HSPA12B: variants seen among roughly 807,000 people sequenced by gnomAD.
HSPA12B encodes heat shock protein family A (Hsp70) member 12B.
HSPA12B carries 54 observed loss-of-function variants against 69.3 expected under a neutral mutation model. That is an observed-to-expected ratio of 0.78 (90% CI 0.63 to 0.98). HSPA12B has a LOEUF of 0.98. Among genes scored for constraint, HSPA12B ranks in the 50% least tolerant of loss-of-function variants. HSPA12B has a pLI of 0.00. For synonymous variants in HSPA12B, 441 were observed against 436.5 expected, an observed-to-expected ratio of 1.01 and a Z score of -0.13; for missense variants, 929 against 999.8, an observed-to-expected ratio of 0.93 and a Z score of 0.96.
intron 12 of HSPA12B, chr20:3,751,152 A>C: frequency 1.3e-6 from 1 of 773,194 alleles, no homozygotes; most frequent in Middle Eastern, 6.5e-4. Context: ...GGGTGATAGT[A>C]TTGGGTTCTC....
At position 3,752,293 on chromosome 20, in the gene HSPA12B, C is replaced by CCCCGGGGGAGAT; in HGVS notation, c.*128_*139dup. 1 of 927,970 alleles carries CCCCGGGGGAGAT rather than the reference C, an allele frequency of 1.1e-6. No individual in the cohort carries two copies. The highest frequency in any genetic ancestry group is 1.5e-6 in the Non-Finnish European group (1 of 665,690). 57.5% of individuals were successfully genotyped at this position (927,970 alleles called of 1,614,324 possible). On this transcript the variant is annotated 3_prime_UTR_variant, in exon 13 of 13. Coordinates refer to ENST00000254963, the MANE Select transcript of HSPA12B (RefSeq NM_052970.5). ...GTCTGCGCCTTTCCACGCCCTCCAGCCCCGGGGGAGATAAGGTCATGGGAG... is the reference window on the plus strand; with the variant it reads ...GTCTGCGCCTTTCCACGCCCTCCAGCCCCGGGGGAGATCCCGGGGGAGATAAGGTCATGGGAG...
At chr20:3,746,124 G>T in intron 7 of HSPA12B, 93 bp downstream of exon 7, 1 of 874,264 alleles carries the variant, frequency 1.1e-6, no homozygotes, top group African/African-American at 1.7e-5. Context: ...TGAGACCACA[G>T]AGTCATTGTG....
At chr20:3,746,301 C>CTTTTT (rs11473544) in intron 7 of HSPA12B, among the ~76,000 whole-genome samples, 4,439 of 89,058 alleles carry the variant, frequency 0.05, 469 homozygotes, top group African/African-American at 0.057. Context: ...GATGGAGAGT[C>CTTTTT]TTTTTTTTTT....
intron 1 of HSPA12B, among the ~76,000 whole-genome samples, chr20:3,734,912 G>T (rs1313570172): frequency 6.6e-6 from 1 of 151,760 alleles, no homozygotes; most frequent in Non-Finnish European, 1.5e-5. Flanking sequence ...GCTAATATTT[G>T]TATTTTTCGT....
At position 3,752,424 on chromosome 20, in the gene HSPA12B, T is replaced by C. The variant is rs2088445297; in HGVS notation, c.*258T>C. ...GGACTGAACGGGTAAGAGAAGAGGT[T>C]TGCAAGACAGAGCGCGCAGCCCGGC... On this transcript the variant is annotated 3_prime_UTR_variant, in exon 13 of 13. Coordinates refer to ENST00000254963, the MANE Select transcript of HSPA12B (RefSeq NM_052970.5). 2 of 405,310 alleles carry C rather than the reference T, an allele frequency of 4.9e-6. No homozygotes were observed. The highest frequency in any genetic ancestry group is 7.4e-5 in the East Asian group (2 of 26,846). 25.1% of individuals were successfully genotyped at this position (405,310 alleles called of 1,614,324 possible).
Position 3,749,346 on chromosome 20 carries a change from T to G in HSPA12B, c.937+28T>G. ...AGGGGGAAAGGGGGACGGAGTGTTA[T>G]CCTTGGCCCCTACCGGGCACCATAT... On this transcript the variant is annotated intron_variant, in intron 9 of 12. Transcript: ENST00000254963. The surrounding 1 kb of genome is among the most constrained non-coding windows in gnomAD (Gnocchi z 5.5). 1 of 1,593,766 alleles carries G rather than the reference T, an allele frequency of 6.3e-7. No individual in the cohort carries two copies. Among genetic ancestry groups the G allele is most frequent in the East Asian group, 2.2e-5 (1 of 44,562 alleles).
chr20:3,744,967 C>A lies in HSPA12B; in HGVS notation c.332C>A (p.Pro111Gln). 1 of 1,613,936 alleles carries A rather than the reference C, an allele frequency of 6.2e-7. No individual in the cohort carries two copies. Among genetic ancestry groups the A allele is most frequent in the Non-Finnish European group, 8.5e-7 (1 of 1,180,040 alleles). ...QKTPTCLLLTPEGAFHSFGYT... is the reference protein window; with the variant it reads ...QKTPTCLLLTQEGAFHSFGYT... Reference sequence around the variant, plus strand: ...ACCCCGACCTGCCTGCTGCTGACTCCGGAGGGCGCCTTCCACAGCTTTGGC... The same window carrying A: ...ACCCCGACCTGCCTGCTGCTGACTCAGGAGGGCGCCTTCCACAGCTTTGGC... Residue 111 changes from proline (P) to glutamine (Q), a missense_variant, in exon 5 of 13, where the codon CCG becomes CAG. Transcript: ENST00000254963. The surrounding 1 kb of genome is among the most constrained non-coding windows in gnomAD (Gnocchi z 4.9).
chr20:3,749,728 G>C lies in HSPA12B; in HGVS notation c.938-22G>C. On this transcript the variant is annotated intron_variant, in intron 9 of 12. Coordinates refer to ENST00000254963, the MANE Select transcript of HSPA12B (RefSeq NM_052970.5). This position sits in a 1 kb window ranked among gnomAD's most constrained non-coding sequence, Gnocchi z 5.5. Reference sequence around the variant, plus strand: ...AGGGTGCGAGGCCGCCCACGAGTGTGTGCCCGCGCTCGCCGCCGCAGGAGA... The same window carrying C: ...AGGGTGCGAGGCCGCCCACGAGTGTCTGCCCGCGCTCGCCGCCGCAGGAGA... The C allele has an allele frequency of 6.5e-7, 1 of 1,538,330 alleles. No homozygotes were observed.
rs1450595160 is a variant in HSPA12B at position 3,744,645 on chromosome 20, A to G, written c.267-257A>G. Among the ~76,000 whole-genome samples the G allele has an allele frequency of 1.3e-5, 2 of 152,164 alleles. No homozygotes were observed. The highest frequency in any genetic ancestry group is 6.5e-5 in the Admixed American group (1 of 15,272). On this transcript the variant is annotated intron_variant, in intron 4 of 12. Transcript: ENST00000254963. This position sits in a 1 kb window ranked among gnomAD's most constrained non-coding sequence, Gnocchi z 4.9. Reference sequence around the variant, plus strand: ...TTCTGTTGCTCCATGGGAGCCAGTGACCTTTCTTTCTAAAGGCAAATGTGG... The same window carrying G: ...TTCTGTTGCTCCATGGGAGCCAGTGGCCTTTCTTTCTAAAGGCAAATGTGG...
chr20:3,748,145 C>A, intron 7 of HSPA12B, 72 bp from the exon 8 acceptor site: 1 of 1,355,538 alleles, frequency 7.4e-7, no homozygotes, highest in Non-Finnish European at 9.8e-7. Context: ...GCCGCGGTTC[C>A]CCACCTCACA....
At chr20:3,746,206 G>A (rs1465997854) in intron 7 of HSPA12B, among the ~76,000 whole-genome samples, 175 bp downstream of exon 7, 2 of 151,692 alleles carry the variant, frequency 1.3e-5, no homozygotes, top group Admixed American at 6.6e-5. Context: ...TGGGCCTGCA[G>A]GAACAGGGGA....
rs1210116888 is a variant in HSPA12B, at chr20:3,744,238, G to T, written c.267-664G>T. 6.6e-6 allele frequency among the ~76,000 whole-genome samples: 1 copy of T among 152,194 alleles called. No homozygotes were observed. Among genetic ancestry groups the T allele is most frequent in the Non-Finnish European group, 1.5e-5 (1 of 68,038 alleles). ...AAAATACATGGGACTTGAGCTTCAT[G>T]AGACTGGACTGTCCTTCCTTCCACA... is the stretch of plus-strand genomic sequence containing the variant. On this transcript the variant is annotated intron_variant, in intron 4 of 12. Coordinates refer to ENST00000254963, the MANE Select transcript of HSPA12B (RefSeq NM_052970.5). The surrounding 1 kb of genome is among the most constrained non-coding windows in gnomAD (Gnocchi z 4.9).
chr20:3,734,599 G>C (rs897661647), intron 1 of HSPA12B, among the ~76,000 whole-genome samples: 15 of 152,258 alleles, frequency 9.9e-5, no homozygotes, highest in African/African-American at 3.4e-4. Context: ...TAGCTTTCGG[G>C]AGCTGGGCTT....
intron 12 of HSPA12B, 48 bp from the exon 13 acceptor site, chr20:3,751,463 C>T: frequency 1.5e-6 from 2 of 1,370,090 alleles, no homozygotes; most frequent in Non-Finnish European, 1.9e-6. Context: ...CTCCCCCGCC[C>T]CTTCTCCTCT....
chr20:3,748,299 T>A lies in HSPA12B; in HGVS notation c.758T>A (p.Leu253Gln), dbSNP rs1444828579. The change falls in exon 8 of 13, where the codon CTG becomes CAG. Residue 253 changes from leucine (L) to glutamine (Q), a missense_variant. By Grantham distance (113) the Leu-to-Gln change is moderately radical. Coordinates refer to ENST00000254963, the MANE Select transcript of HSPA12B (RefSeq NM_052970.5). ...GCCGCCTCGGTATACTGCCGCAAGCTGCGCCTGCACCAGCTCCTGGACCTG... is the reference window on the plus strand; with the variant it reads ...GCCGCCTCGGTATACTGCCGCAAGCAGCGCCTGCACCAGCTCCTGGACCTG... ...PEAASVYCRK[L>Q]RLHQLLDLSG... 2 of 1,611,778 alleles carry A rather than the reference T, an allele frequency of 1.2e-6. No individual in the cohort carries two copies. The highest frequency in any genetic ancestry group is 1.7e-6 in the Non-Finnish European group (2 of 1,179,134).
At position 3,751,877 on chromosome 20, in the gene HSPA12B, G is replaced by T; in HGVS notation, c.1772G>T (p.Arg591Leu). Residue 591 changes from arginine (R) to leucine (L), a missense_variant, in exon 13 of 13, where the codon CGG becomes CTG. Arg to Leu is a moderately radical substitution (Grantham distance 102, BLOSUM62 -2). Around this residue, in one of 3 missense-constraint regions of HSPA12B, gnomAD observed 448 missense variants for 448.1 expected, o/e 1.00. Coordinates refer to ENST00000254963, the MANE Select transcript of HSPA12B (RefSeq NM_052970.5). ...EQSVALGEEV[R>L]RSYCPARPGQ... is the part of the protein sequence containing the mutation. ...TCGGTGGCCCTGGGCGAGGAGGTGC[G>T]GCGCAGCTACTGCCCGGCGCGTCCC... 6.4e-7 allele frequency: 1 copy of T among 1,562,242 alleles called. No individual in the cohort carries two copies. Among genetic ancestry groups the T allele is most frequent in the East Asian group, 2.4e-5 (1 of 42,112 alleles).
intron 4 of HSPA12B, among the ~76,000 whole-genome samples, chr20:3,743,463 C>A (rs2088242853): frequency 1.3e-5 from 2 of 152,086 alleles, no homozygotes; most frequent in Non-Finnish European, 2.9e-5. Context: ...CCCAAAAATG[C>A]TGGAATTGCA....
rs1048094374 is a variant in HSPA12B, at chr20:3,749,442, G to A, written c.937+124G>A. 1.2e-5 allele frequency: 11 copies of A among 907,470 alleles called. No individual in the cohort carries two copies. The highest frequency in any genetic ancestry group is 1.7e-5 in the Non-Finnish European group (10 of 589,304). The allele number at this position is 907,470 out of a possible 1,614,324, so 56.2% of individuals were successfully genotyped here. The stretch of plus-strand genomic sequence containing the variant: ...TCCATTCGCTGTACCCAACCTGGCC[G>A]TCCCCTCACAGTCACCCGCACCCCC... On this transcript the variant is annotated intron_variant, in intron 9 of 12. Transcript: ENST00000254963. The surrounding 1 kb of genome is among the most constrained non-coding windows in gnomAD (Gnocchi z 5.5).
chr20:3,742,570 G>A (rs2146567948), intron 4 of HSPA12B, among the ~76,000 whole-genome samples, 162 bp downstream of exon 4: 1 of 152,294 alleles, frequency 6.6e-6, no homozygotes, highest in South Asian at 2.1e-4. Context: ...TGGGCCCCAG[G>A]CCTGGGTCCT....
Sources: allele counts gnomAD v4.1 joint callset (sites outside exome capture counted in the v4.1 genomes callset), GRCh38; gene constraint gnomAD v4.1.1; regional missense constraint gnomAD v4.1.1; non-coding constraint Gnocchi (gnomAD v3.1); transcripts MANE v1.5; gene names NCBI Gene and HGNC (gene_info 2026-07-23, HGNC 2026-07-21).